The following OSBPL10 variants were observed in gnomAD, a reference collection of about 807,000 sequenced individuals.
OSBPL10 encodes the protein oxysterol-binding protein-related protein 10.
In OSBPL10, 49 loss-of-function variants were observed where a neutral mutation model predicts 81.7. The observed-to-expected ratio is 0.60, with a 90% CI of 0.48 to 0.76. The LOEUF is 0.76. Among genes scored for constraint, OSBPL10 ranks in the 30% least tolerant of loss-of-function variants. OSBPL10 has a pLI of 0.00. For synonymous variants in OSBPL10, 419 were observed against 383.6 expected (o/e 1.09, Z -1.08); for missense variants, 923 against 987.8 (o/e 0.93, Z 0.88).
intron 1 of OSBPL10, among the ~76,000 whole-genome samples, chr3:31,908,706 C>G (rs1387297961): frequency 6.6e-6 from 1 of 152,180 alleles, no homozygotes; most frequent in African/African-American, 2.4e-5. Context: ...TTCTGTGATT[C>G]CCTGGGTTGT....
At chr3:31,976,858 C>T (rs932032909) in intron 1 of OSBPL10, among the ~76,000 whole-genome samples, 2 of 152,194 alleles carry the variant, frequency 1.3e-5, no homozygotes, top group African/African-American at 4.8e-5. Flanking sequence ...GTTGGTTCCA[C>T]GTTCGCAGTG....
chr3:32,011,669 T>C (rs901374410), intron 2 of OSBPL10, among the ~76,000 whole-genome samples: 5 of 152,120 alleles, frequency 3.3e-5, no homozygotes, highest in Admixed American at 6.6e-5. Flanking sequence ...TTCGAACCCA[T>C]GGCAGAGAAG....
At chr3:31,985,622 G>A (rs1404735747), upstream of OSBPL10, among the ~76,000 whole-genome samples, 2 of 152,266 alleles carry the variant, frequency 1.3e-5, no homozygotes, top group East Asian at 3.9e-4. Flanking sequence ...GTAAGTGAGT[G>A]GACATTGACT....
At chr3:31,909,250 A>G (rs1696505172) in intron 1 of OSBPL10, among the ~76,000 whole-genome samples, 1 of 152,206 alleles carries the variant, frequency 6.6e-6, no homozygotes, top group Admixed American at 6.5e-5. Flanking sequence ...TGGAACTGTT[A>G]AGGCCATCGG....
chr3:32,011,186 C>T (rs1010977294), intron 2 of OSBPL10, among the ~76,000 whole-genome samples: 12 of 152,318 alleles, frequency 7.9e-5, no homozygotes, highest in East Asian at 3.9e-4. Flanking sequence ...CTGGGAGGCA[C>T]CCCCCAGTAG....
chr3:31,995,542 G>C (rs1036943053), intron 2 of OSBPL10, among the ~76,000 whole-genome samples: 39 of 152,176 alleles, frequency 2.6e-4, no homozygotes, highest in African/African-American at 8.4e-4. Flanking sequence ...TCTTTTTCAA[G>C]GTGCACTGAC....
At chr3:31,995,323 G>A (rs898362097) in intron 2 of OSBPL10, among the ~76,000 whole-genome samples, 18 of 152,100 alleles carry the variant, frequency 1.2e-4, no homozygotes, top group Middle Eastern at 3.2e-3. Flanking sequence ...CAGAGCGGCC[G>A]TTTATAGACC....
intron 3 of OSBPL10, among the ~76,000 whole-genome samples, chr3:31,856,241 C>T (rs1161011833): frequency 6.6e-6 from 1 of 151,866 alleles, no homozygotes; most frequent in Admixed American, 6.6e-5. Context: ...AAAATTGTTG[C>T]ACTTTATTAA....
At chr3:31,852,249 C>T (rs1700787100) in intron 3 of OSBPL10, among the ~76,000 whole-genome samples, 1 of 152,144 alleles carries the variant, frequency 6.6e-6, no homozygotes, top group Non-Finnish European at 1.5e-5. Flanking sequence ...GACTGTGCTC[C>T]TTCCCCTCCC....
chr3:31,890,053 C>A (rs985466151), intron 1 of OSBPL10, among the ~76,000 whole-genome samples: 1 of 151,936 alleles, frequency 6.6e-6, no homozygotes, highest in Non-Finnish European at 1.5e-5. Flanking sequence ...CCTAGAGGAT[C>A]TTTGTGAAGG....
intron 1 of OSBPL10, among the ~76,000 whole-genome samples, chr3:31,918,983 C>T (rs2125703482): frequency 6.6e-6 from 1 of 152,346 alleles, no homozygotes; most frequent in South Asian, 2.1e-4. Context: ...GCACTCACAG[C>T]CTGGATCTCA....
At chr3:31,707,292 A>G (rs1473793271) in intron 6 of OSBPL10, 1 of 152,252 alleles carries the variant, frequency 6.6e-6, no homozygotes, top group African/African-American at 2.4e-5. Context: ...CTTATGCCCA[A>G]GTAAATAAGT....
In OSBPL10 at chr3:31,761,823, A is replaced by AAAAAAAAAAC. The variant is rs1553622727; in HGVS notation, c.730-13704_730-13703insGTTTTTTTTT. Among the ~76,000 whole-genome samples, 191 of 149,990 alleles carry AAAAAAAAAAC rather than the reference A, an allele frequency of 1.3e-3. 11 individuals are homozygous for AAAAAAAAAAC. The highest frequency in any genetic ancestry group is 4.7e-3 in the African/African-American group (184 of 39,434). On this transcript the variant is annotated intron_variant, in intron 4 of 11. Coordinates refer to ENST00000396556, the MANE Select transcript of OSBPL10 (RefSeq NM_017784.5). The stretch of plus-strand genomic sequence containing the variant: ...GAGCAAGACTGTCTCTAAAAAAAAA[A>AAAAAAAAAAC]AAAAAAAACCCTAAAGGGAGTCAGA...
intron 2 of OSBPL10, among the ~76,000 whole-genome samples, chr3:32,008,104 C>G (rs1054526208): frequency 1.1e-4 from 16 of 151,936 alleles, no homozygotes; most frequent in Non-Finnish European, 1.6e-4. Context: ...CATTTGGGGG[C>G]CATTACTCAG....
chr3:31,794,802 G>A (rs192096519), intron 4 of OSBPL10: 89 of 325,322 alleles, frequency 2.7e-4, no homozygotes, highest in Admixed American at 2.1e-3. Context: ...CACAGCAGCA[G>A]GAAACTCATC....
intron 4 of OSBPL10, among the ~76,000 whole-genome samples, chr3:31,770,453 G>A (rs1264490525): frequency 6.6e-6 from 1 of 152,146 alleles, no homozygotes; most frequent in African/African-American, 2.4e-5. Context: ...TCCATTGTCT[G>A]ACACTTGCTA....
At chr3:31,726,419 C>T (rs1003952720) in intron 6 of OSBPL10, among the ~76,000 whole-genome samples, 8 of 152,160 alleles carry the variant, frequency 5.3e-5, no homozygotes, top group East Asian at 3.9e-4. Flanking sequence ...CAGGTTCAAG[C>T]GATTCCCCCT....
At chr3:31,999,265 C>T (rs1699120710) in intron 2 of OSBPL10, among the ~76,000 whole-genome samples, 1 of 151,938 alleles carries the variant, frequency 6.6e-6, no homozygotes, top group Non-Finnish European at 1.5e-5. Context: ...TCCCCTATGT[C>T]AGTGATGATA....
rs1009980738 is a variant in OSBPL10, at chr3:31,904,300, C to T, written c.282-24470G>A. On this transcript the variant is annotated intron_variant, in intron 1 of 11. Transcript: ENST00000396556. ...AGAGGCATCAAAGCCACCCAGTTGG[C>T]GGATATCAGGGCTGAGGAGAAGAGA... 9.2e-5 allele frequency among the ~76,000 whole-genome samples: 14 copies of T among 152,120 alleles called. No individual in the cohort carries two copies. In the East Asian group the frequency reaches 1.3e-3, roughly 15 times the overall value.
Sources: allele counts gnomAD v4.1 joint callset (sites outside exome capture counted in the v4.1 genomes callset), GRCh38; gene constraint gnomAD v4.1.1; transcripts MANE v1.5; gene names NCBI Gene and HGNC (gene_info 2026-07-23, HGNC 2026-07-21).